Variants in NTSR2 observed in about 807,000 individuals in gnomAD.
NTSR2 encodes neurotensin receptor 2.
Under a neutral mutation model 24.1 loss-of-function variants are expected in NTSR2, and 22 were observed. The observed-to-expected ratio is 0.91, with a 90% confidence interval of 0.65 to 1.30. NTSR2 has a LOEUF of 1.30. Among genes scored for constraint, NTSR2 ranks in the 50% most tolerant of loss-of-function variants. The pLI, the probability that NTSR2 is intolerant of heterozygous loss-of-function variation, is 0.00. For synonymous variants in NTSR2, 291 were observed against 267.0 expected, an observed-to-expected ratio of 1.09 and a Z score of -0.88; for missense variants, 570 against 570.4, an observed-to-expected ratio of 1.00 and a Z score of 0.01.
chr2:11,669,436 A>T, intron 1 of NTSR2, 70 bp downstream of exon 1: 1 of 922,300 alleles, frequency 1.1e-6, no homozygotes, highest in Admixed American at 3.9e-5. Flanking sequence ...CCCCGGGGAG[A>T]GGGGGTTCCC....
rs772331222 is a variant in NTSR2, at chr2:11,669,904, C to G, written c.226G>C (p.Ala76Pro). Residue 76 changes from alanine to proline, a missense_variant, in exon 1 of 4, where the codon GCG (alanine) becomes CCG (proline). Transcript: ENST00000306928. ...AGCAGCAGCAGCAGGCCCGCGAGCGCCAGGCTGAGCACGTGGTGGCGCAGG... is the reference window on the plus strand; with the variant it reads ...AGCAGCAGCAGCAGGCCCGCGAGCGGCAGGCTGAGCACGTGGTGGCGCAGG... ...GRLRHHVLSL[A>P]LAGLLLLLVG... 2 of 1,565,728 alleles carry G rather than the reference C, an allele frequency of 1.3e-6. No individual in the cohort carries two copies. The highest frequency in any genetic ancestry group is 3.7e-5 in the Admixed American group (2 of 54,488).
At chr2:11,666,570 G>T (rs529612418) in intron 1 of NTSR2, among the ~76,000 whole-genome samples, 1 of 152,046 alleles carries the variant, frequency 6.6e-6, no homozygotes, top group Non-Finnish European at 1.5e-5. Context: ...GTGGTGGCAC[G>T]TGCCTGTAGT....
At position 11,658,311 on chromosome 2, in the gene NTSR2, A is replaced by AG; in HGVS notation, c.*167dup. The AG allele has an allele frequency of 1.3e-6, 1 of 794,756 alleles. No individual in the cohort carries two copies. The highest frequency in any genetic ancestry group is 2.0e-6 in the Non-Finnish European group (1 of 508,850). The allele number at this position is 794,756 out of a possible 1,614,324, so 49.2% of individuals were successfully genotyped here. ...ACAGACGAGGGAGCCTGAGGCTAGG[A>AG]GGGGTCACGTGGCTTCCCTGCGCTT... is the stretch of plus-strand genomic sequence containing the variant. On this transcript the variant is annotated 3_prime_UTR_variant, in exon 4 of 4. Coordinates refer to ENST00000306928, the MANE Select transcript of NTSR2 (RefSeq NM_012344.4).
chr2:11,668,922 G>A (rs1388557975), intron 1 of NTSR2, among the ~76,000 whole-genome samples: 3 of 152,214 alleles, frequency 2.0e-5, no homozygotes, highest in Non-Finnish European at 2.9e-5. Flanking sequence ...GCAGAAGAAT[G>A]AGCTTTTGAC....
At chr2:11,659,517 C>T (rs1661024182) in intron 3 of NTSR2, among the ~76,000 whole-genome samples, 2 of 152,216 alleles carry the variant, frequency 1.3e-5, no homozygotes, top group African/African-American at 4.8e-5. Context: ...TGGAGGCTTC[C>T]TGGGACCTCG....
chr2:11,667,238 C>G (rs768794136), intron 1 of NTSR2, among the ~76,000 whole-genome samples: 1 of 152,254 alleles, frequency 6.6e-6, no homozygotes, highest in African/African-American at 2.4e-5. Flanking sequence ...GCCTCCAGTT[C>G]TGTTTCCATC....
chr2:11,669,460 G>GGGGGCGCGGGGGCCCCCCCCCCCCC, intron 1 of NTSR2, 46 bp downstream of exon 1: 1 of 254,726 alleles, frequency 3.9e-6, no homozygotes. Flanking sequence ...TCCCAGCACC[G>GGGGGCGCGGGGGCCCCCCCCCCCCC]CCCCCCCACC....
intron 3 of NTSR2, 68 bp from the exon 4 acceptor site, chr2:11,658,790 G>A (rs868083320): frequency 9.6e-6 from 15 of 1,556,482 alleles, no homozygotes; most frequent in Middle Eastern, 1.7e-4. Context: ...CTTCCTACTG[G>A]AGAATGCCTC....
intron 1 of NTSR2, among the ~76,000 whole-genome samples, chr2:11,664,129 AT>A (rs36027827): frequency 5.7e-4 from 81 of 143,288 alleles, no homozygotes; most frequent in East Asian, 1.2e-3. Flanking sequence ...AACACTGAGC[AT>A]TTTTTTTTTT....
intron 1 of NTSR2, among the ~76,000 whole-genome samples, chr2:11,664,019 T>G (rs932076233): frequency 3.3e-5 from 5 of 152,192 alleles, no homozygotes; most frequent in Non-Finnish European, 7.3e-5. Context: ...TACCCTGTGT[T>G]TTAAATGTTT....
At chr2:11,665,007 T>G (rs972136429) in intron 1 of NTSR2, among the ~76,000 whole-genome samples, 6 of 151,342 alleles carry the variant, frequency 4.0e-5, no homozygotes, top group Non-Finnish European at 7.4e-5. Flanking sequence ...TCAAGGAAAC[T>G]GTGAGCAGCA....
chr2:11,669,460 G>GGGGGGGGGGGCCCCC, intron 1 of NTSR2, 46 bp downstream of exon 1: 1 of 254,724 alleles, frequency 3.9e-6, no homozygotes, highest in Non-Finnish European at 6.9e-6. Flanking sequence ...TCCCAGCACC[G>GGGGGGGGGGGCCCCC]CCCCCCCACC....
At chr2:11,666,609 G>A (rs145030039) in intron 1 of NTSR2, among the ~76,000 whole-genome samples, 1,976 of 152,296 alleles carry the variant, frequency 0.013, 96 homozygotes, top group East Asian at 0.11. Context: ...TGAGGCAGGA[G>A]AATCGCTTGA....
chr2:11,669,672 C>T lies in NTSR2; in HGVS notation c.458G>A (p.Arg153Gln). ...ARSLLTPRRTRWLVALSWAAS... is the reference protein window; with the variant it reads ...ARSLLTPRRTQWLVALSWAAS... ...GGCCCACGAGAGCGCCACCAGCCAC[C>T]GGGTCCGGCGTGGCGTCAGCAGGCT... Residue 153 changes from arginine (R) to glutamine (Q), a missense_variant, in exon 1 of 4, where the codon CGG (arginine) becomes CAG (glutamine). By Grantham distance (43) the Arg-to-Gln change is conservative (BLOSUM62 1). Coordinates refer to ENST00000306928, the MANE Select transcript of NTSR2 (RefSeq NM_012344.4). 1 of 1,539,150 alleles carries T rather than the reference C, an allele frequency of 6.5e-7. No homozygotes were observed. The highest frequency in any genetic ancestry group is 8.7e-7 in the Non-Finnish European group (1 of 1,148,354).
At chr2:11,669,481 C>G in intron 1 of NTSR2, 25 bp downstream of exon 1, 1 of 1,107,610 alleles carries the variant, frequency 9.0e-7, no homozygotes, top group African/African-American at 1.7e-5. Context: ...CCCCCTCCCC[C>G]GACTCCCGCT....
rs768103420 is a variant in NTSR2 at position 11,662,216 on chromosome 2, G to A, written c.649C>T (p.Leu217Phe). 3.3e-6 allele frequency: 5 copies of A among 1,536,776 alleles called. No homozygotes were observed. In the Admixed American group the frequency reaches 1.0e-4, roughly 31 times the overall value. The part of the protein sequence containing the change: ...IQVNVLVSFV[L>F]PLALTAFLNG... ...AGGAAAGCAGTTAGTGCCAAGGGGA[G>A]CACGAAGGACACCAGCACATTCACC... The change falls in exon 2 of 4, where the codon CTC becomes TTC. Residue 217 changes from leucine (L) to phenylalanine (F), a missense_variant. Physicochemically the swap from Leu to Phe is conservative, Grantham distance 22. Coordinates refer to ENST00000306928, the MANE Select transcript of NTSR2 (RefSeq NM_012344.4).
At position 11,669,716 on chromosome 2, in the gene NTSR2, G is replaced by A. The variant is rs1181081509; in HGVS notation, c.414C>T (p.Cys138=). 1 of 1,530,610 alleles carries A rather than the reference G, an allele frequency of 6.5e-7. No homozygotes were observed. Among genetic ancestry groups the A allele is most frequent in the African/African-American group, 1.4e-5 (1 of 72,304 alleles). The allele number at this position is 1,530,610 out of a possible 1,614,324, so 94.8% of individuals were successfully genotyped here. A position where few individuals can be genotyped will look rare whatever the true frequency, so the allele number is the denominator to read the frequency against. Residue 138 remains cysteine (C), a synonymous_variant, in exon 1 of 4, where the codon TGC becomes TGT. Transcript: ENST00000306928. Reference sequence around the variant, plus strand: ...GCAGGCTGCGGGCACGCAGGGGCTGGCACACGGCTAGGCAGCGCTCGGCGC... The same window carrying A: ...GCAGGCTGCGGGCACGCAGGGGCTGACACACGGCTAGGCAGCGCTCGGCGC... ...GLSAERCLAV[C]QPLRARSLLT...
In NTSR2 at chr2:11,658,686, C is replaced by T; in HGVS notation, c.1026G>A (p.Val342=). The change falls in exon 4 of 4, where the codon GTG becomes GTA. Residue 342 remains valine, a synonymous_variant. Coordinates refer to ENST00000306928, the MANE Select transcript of NTSR2 (RefSeq NM_012344.4). ...AGCTGACGTAGAAAAGTGTGTTGGT[C>T]ACCATGTAGAAGTAGTGGTAGAAAT... The part of the protein sequence containing the change: ...LYNFYHYFYM[V]TNTLFYVSSA... The T allele has an allele frequency of 1.9e-6, 3 of 1,614,062 alleles. No individual in the cohort carries two copies. Among genetic ancestry groups the T allele is most frequent in the South Asian group, 2.2e-5 (2 of 91,036 alleles).
At position 11,668,083 on chromosome 2, in the gene NTSR2, T is replaced by TGCTCCATA. The variant is rs1201744680; in HGVS notation, c.624+1422_624+1423insTATGGAGC. ...GGGGCATGCTCAATATCTGGAAGGA[T>TGCTCCATA]TCTGGCCGTGGAAAGTCCCTCTCCC... On this transcript the variant is annotated intron_variant, in intron 1 of 3. Coordinates refer to ENST00000306928, the MANE Select transcript of NTSR2 (RefSeq NM_012344.4). 5.3e-5 allele frequency among the ~76,000 whole-genome samples: 8 copies of TGCTCCATA among 152,300 alleles called. No individual in the cohort carries two copies. In the East Asian group the frequency reaches 1.5e-3, roughly 29 times the overall value.
Sources: gnomAD v4.1 joint callset for allele counts (sites outside exome capture counted in the v4.1 genomes callset) on GRCh38, gnomAD v4.1.1 for gene constraint, MANE v1.5 for transcripts, NCBI Gene and HGNC (gene_info 2026-07-23, HGNC 2026-07-21) for gene names.